GALNT13: variants seen among roughly 807,000 people sequenced by gnomAD.
GALNT13 encodes polypeptide N-acetylgalactosaminyltransferase 13, also known as UDP-GalNAc:polypeptide N-acetylgalactosaminyltransferase 13.
In GALNT13, 28 loss-of-function variants were observed where a neutral mutation model predicts 64.2. The ratio of observed to expected loss-of-function variants is 0.44; its 90% CI spans 0.32 to 0.60. The LOEUF is 0.60. Among genes scored for constraint, GALNT13 ranks in the 20% least tolerant of loss-of-function variants. GALNT13 has a pLI of 0.05. For missense variants in GALNT13, 577 were observed against 669.8 expected, an observed-to-expected ratio of 0.86 and a Z score of 1.53; for synonymous variants, 214 against 224.6, an observed-to-expected ratio of 0.95 and a Z score of 0.42.
chr2:153,985,472 A>G (rs576806322), intron 3 of GALNT13, among the ~76,000 whole-genome samples: 1 of 152,126 alleles, frequency 6.6e-6, no homozygotes, highest in South Asian at 2.1e-4. Context: ...TAATTTACAT[A>G]TGGATTCCTT....
the GALNT13 span, among the ~76,000 whole-genome samples, chr2:153,123,820 G>A: frequency 6.6e-6 from 1 of 152,304 alleles, no homozygotes; most frequent in East Asian, 1.9e-4. Flanking sequence ...ATTGTTCAAA[G>A]TGTAGTAAGC....
chr2:153,893,504 G>T (rs73005971), intron 1 of GALNT13, among the ~76,000 whole-genome samples: 1 of 151,776 alleles, frequency 6.6e-6, no homozygotes, highest in Non-Finnish European at 1.5e-5. Flanking sequence ...CCATTTAGAC[G>T]TAACAATGTT....
At chr2:154,167,564 A>G (rs1235978039) in intron 4 of GALNT13, among the ~76,000 whole-genome samples, 1 of 152,058 alleles carries the variant, frequency 6.6e-6, no homozygotes, top group Non-Finnish European at 1.5e-5. Context: ...CTTTTCTTTT[A>G]CTCCTTTCCT....
At chr2:153,149,033 A>G in the GALNT13 span, among the ~76,000 whole-genome samples, 3 of 151,854 alleles carry the variant, frequency 2.0e-5, no homozygotes, top group African/African-American at 7.2e-5. Context: ...AGGCCAGGAC[A>G]GTCTTATGAT....
chr2:153,542,933 C>T, the GALNT13 span, among the ~76,000 whole-genome samples: 2 of 152,214 alleles, frequency 1.3e-5, no homozygotes, highest in Non-Finnish European at 1.5e-5. Flanking sequence ...ATGTAACCAA[C>T]TTTACATGTA....
the GALNT13 span, among the ~76,000 whole-genome samples, chr2:153,368,968 A>G: frequency 6.6e-6 from 1 of 152,110 alleles, no homozygotes; most frequent in Non-Finnish European, 1.5e-5. Context: ...AATCATACAA[A>G]GTATATTATT....
At chr2:153,891,865 C>T (rs377711156) in intron 1 of GALNT13, among the ~76,000 whole-genome samples, 1 of 151,772 alleles carries the variant, frequency 6.6e-6, no homozygotes, top group Non-Finnish European at 1.5e-5. Context: ...CACTTTTTAC[C>T]CCCTCTTAAT....
At chr2:153,983,423 G>C (rs948336148) in intron 3 of GALNT13, among the ~76,000 whole-genome samples, 1 of 151,670 alleles carries the variant, frequency 6.6e-6, no homozygotes, top group Admixed American at 6.6e-5. Flanking sequence ...AACTCTTTAA[G>C]TATTAGAAAC....
At chr2:153,523,467 C>T in the GALNT13 span, among the ~76,000 whole-genome samples, 13 of 152,050 alleles carry the variant, frequency 8.5e-5, no homozygotes, top group African/African-American at 1.9e-4. Flanking sequence ...AACATCTCAC[C>T]GTTAATTTAG....
chr2:153,534,994 G>C, the GALNT13 span, among the ~76,000 whole-genome samples: 3 of 152,206 alleles, frequency 2.0e-5, no homozygotes, highest in Admixed American at 2.0e-4. Flanking sequence ...TAGTGTTGAA[G>C]TGTTGAAGTG....
chr2:154,438,636 G>C lies in GALNT13; in HGVS notation c.1440G>C (p.Leu480Phe). Reference sequence around the variant, plus strand: ...ACAAAGAAATCCGAACCGATGACTTGTGCTTGGATGTTTCTAGACTCAATG... The same window carrying C: ...ACAAAGAAATCCGAACCGATGACTTCTGCTTGGATGTTTCTAGACTCAATG... ...TADKEIRTDD[L>F]CLDVSRLNGP... Residue 480 changes from leucine to phenylalanine, a missense_variant, in exon 12 of 13, where the codon TTG becomes TTC. Leu to Phe is a conservative substitution (Grantham distance 22). This residue lies in a region of GALNT13 where 232 missense variants were observed against 270.6 expected (regional missense o/e 0.86). Transcript: ENST00000392825. The C allele has an allele frequency of 6.2e-7, 1 of 1,612,598 alleles. No individual in the cohort carries two copies. The highest frequency in any genetic ancestry group is 8.5e-7 in the Non-Finnish European group (1 of 1,178,858).
chr2:153,450,302 T>G, the GALNT13 span, among the ~76,000 whole-genome samples: 2 of 152,198 alleles, frequency 1.3e-5, no homozygotes, highest in Non-Finnish European at 2.9e-5. Flanking sequence ...CTGCATTCAC[T>G]TTTTATTTTC....
At chr2:153,426,348 G>C in the GALNT13 span, among the ~76,000 whole-genome samples, 1 of 151,748 alleles carries the variant, frequency 6.6e-6, no homozygotes, top group African/African-American at 2.4e-5. Context: ...GCACTAATTT[G>C]CACATATTTT....
chr2:153,473,720 C>A, the GALNT13 span, among the ~76,000 whole-genome samples: 1 of 152,154 alleles, frequency 6.6e-6, no homozygotes, highest in Admixed American at 6.5e-5. Context: ...TTGTAACCCC[C>A]AAAGTGAGAA....
chr2:153,478,854 C>A, the GALNT13 span: 14 of 377,124 alleles, frequency 3.7e-5, no homozygotes, highest in Non-Finnish European at 5.8e-5. Flanking sequence ...CCAGCCCGGC[C>A]GTGGGAGGTG....
At chr2:154,321,245 T>C (rs899844619) in intron 9 of GALNT13, among the ~76,000 whole-genome samples, 1 of 152,130 alleles carries the variant, frequency 6.6e-6, no homozygotes, top group Non-Finnish European at 1.5e-5. Context: ...TAAAACTAGA[T>C]GAACTAAGAT....
chr2:153,623,164 G>A, the GALNT13 span, among the ~76,000 whole-genome samples: 17 of 152,032 alleles, frequency 1.1e-4, no homozygotes, highest in East Asian at 7.7e-4. Context: ...ATATGAGTGA[G>A]TGGTTTATAA....
At chr2:153,321,972 TTGTGTG>T in the GALNT13 span, among the ~76,000 whole-genome samples, 7 of 149,194 alleles carry the variant, frequency 4.7e-5, no homozygotes, top group East Asian at 2.0e-4. Flanking sequence ...GTGTGTAAAG[TTGTGTG>T]TGTGTGTGTG....
chr2:153,885,810 G>T (rs1056627279), intron 1 of GALNT13, among the ~76,000 whole-genome samples: 3 of 152,058 alleles, frequency 2.0e-5, no homozygotes, highest in African/African-American at 7.2e-5. Context: ...TTTTGTAGCT[G>T]ATCAAAATAA....
Sources: allele counts gnomAD v4.1 joint callset (sites outside exome capture counted in the v4.1 genomes callset), GRCh38; gene constraint gnomAD v4.1.1; regional missense constraint gnomAD v4.1.1; transcripts MANE v1.5; gene names NCBI Gene and HGNC (gene_info 2026-07-23, HGNC 2026-07-21).